The following MNAT1 variants were observed in gnomAD, a reference collection of about 807,000 sequenced individuals.
MNAT1 encodes MNAT1 component of CDK activating kinase.
Under a neutral mutation model 42.0 loss-of-function variants are expected in MNAT1, and 43 were observed. The observed-to-expected ratio is 1.02, with a 90% CI of 0.80 to 1.32. The LOEUF (loss-of-function observed/expected upper bound fraction) is 1.32. Among genes scored for constraint, MNAT1 ranks in the 40% most tolerant of loss-of-function variants. MNAT1 has a pLI of 0.00. For synonymous variants in MNAT1, 118 were observed against 120.0 expected (o/e 0.98, Z 0.11); for missense variants, 306 against 350.4 (o/e 0.87, Z 1.01).
chr14:60,950,344 AT>A (rs2036357593), intron 7 of MNAT1, among the ~76,000 whole-genome samples: 1 of 152,142 alleles, frequency 6.6e-6, no homozygotes, highest in African/African-American at 2.4e-5. Context: ...TCTCAAAGCA[AT>A]TTTCAAATAT....
rs572168121 is a variant in MNAT1, at chr14:60,947,621, T to C, written c.810-20608T>C. Among the ~76,000 whole-genome samples, 7 of 152,294 alleles carry C rather than the reference T, an allele frequency of 4.6e-5. No homozygotes were observed. The South Asian group carries it at 1.5e-3, about 32-fold the overall frequency. On this transcript the variant is annotated intron_variant, in intron 7 of 7. Transcript: ENST00000261245. ...TCGCTTGAACCCGGGAGGCAGAGGT[T>C]GCAGTAAGTCCAGATTGTGCCACTG...
At chr14:60,841,409 CAT>C in intron 6 of MNAT1, among the ~76,000 whole-genome samples, 1 of 151,702 alleles carries the variant, frequency 6.6e-6, no homozygotes, top group South Asian at 2.1e-4. Flanking sequence ...ACATACAACA[CAT>C]AAAGTTGTGT....
chr14:60,869,861 ATG>A (rs910826872), intron 6 of MNAT1, among the ~76,000 whole-genome samples: 10 of 152,150 alleles, frequency 6.6e-5, no homozygotes, highest in African/African-American at 1.4e-4. Context: ...TGCATTCTAA[ATG>A]TGTGTTTCTA....
intron 5 of MNAT1, among the ~76,000 whole-genome samples, chr14:60,812,412 T>C (rs1240194001): frequency 6.6e-6 from 1 of 152,236 alleles, no homozygotes; most frequent in Non-Finnish European, 1.5e-5. Flanking sequence ...AGGACACCTC[T>C]CCATGTGGTT....
chr14:60,801,817 C>T (rs2032210619), intron 3 of MNAT1, among the ~76,000 whole-genome samples: 1 of 152,106 alleles, frequency 6.6e-6, no homozygotes. Flanking sequence ...AGTAATCCCA[C>T]TTCTGGGTCT....
chr14:60,852,014 G>A (rs1323311014), intron 6 of MNAT1, among the ~76,000 whole-genome samples: 2 of 152,090 alleles, frequency 1.3e-5, no homozygotes, highest in East Asian at 1.9e-4. Context: ...ATAAACATAC[G>A]TGTGCATGTG....
intron 7 of MNAT1, among the ~76,000 whole-genome samples, chr14:60,957,195 G>T (rs985664880): frequency 6.6e-6 from 1 of 151,628 alleles, no homozygotes; most frequent in African/African-American, 2.4e-5. Flanking sequence ...TACCATGAGG[G>T]TTACATAAAA....
At chr14:60,796,624 C>CCTACTATGTGTAAACA (rs910179020) in intron 2 of MNAT1, among the ~76,000 whole-genome samples, 3 of 151,972 alleles carry the variant, frequency 2.0e-5, no homozygotes, top group African/African-American at 4.8e-5. Flanking sequence ...GTATTGAGTA[C>CCTACTATGTGTAAACA]CTACTATGTG....
At chr14:60,737,851 CTTT>C (rs774334245) in intron 1 of MNAT1, among the ~76,000 whole-genome samples, 3 of 140,304 alleles carry the variant, frequency 2.1e-5, no homozygotes, top group Non-Finnish European at 3.1e-5. Context: ...AAACCCTATC[CTTT>C]TTTTTTTTTT....
At chr14:60,808,202 C>A in intron 3 of MNAT1, 123 bp from the exon 4 acceptor site, 1 of 569,710 alleles carries the variant, frequency 1.8e-6, no homozygotes, top group Non-Finnish European at 3.0e-6. Context: ...ATTAAAAGGT[C>A]ACAAATAGAG....
At chr14:60,798,191 A>G (rs375850691) in intron 3 of MNAT1, 31 bp downstream of exon 3, 34 of 1,141,824 alleles carry the variant, frequency 3.0e-5, no homozygotes, top group African/African-American at 1.9e-4. Flanking sequence ...ATGCTAGCCT[A>G]TAAGACCATG....
intron 7 of MNAT1, among the ~76,000 whole-genome samples, chr14:60,880,370 G>C (rs1441460481): frequency 5.3e-5 from 8 of 152,162 alleles, no homozygotes; most frequent in Non-Finnish European, 1.0e-4. Context: ...GTGAGGGATG[G>C]AGAGATGGTT....
chr14:60,837,161 G>A (rs980618137), intron 6 of MNAT1, among the ~76,000 whole-genome samples: 4 of 152,176 alleles, frequency 2.6e-5, no homozygotes, highest in African/African-American at 7.2e-5. Context: ...GCTGGGCTCC[G>A]TGGGGGTGGG....
rs2032016454 is a variant in MNAT1, at chr14:60,796,280, TC to T, written c.155del (p.Pro52HisfsTer28). 10 of 1,612,666 alleles carry T rather than the reference TC, an allele frequency of 6.2e-6. No individual in the cohort carries two copies. Among genetic ancestry groups the T allele is most frequent in the African/African-American group, 1.3e-5 (1 of 74,886 alleles). ...GAGNCPECGT[P>X]LRKSNFRVQL... ...CTGGAAACTGCCCTGAGTGTGGTAC[TC>T]CACTCAGAAAGAGCAACTTCAGGGT... On this transcript the variant is annotated frameshift_variant, in exon 2 of 8. Transcript: ENST00000261245. LOFTEE classifies it high-confidence loss of function.
intron 6 of MNAT1, among the ~76,000 whole-genome samples, chr14:60,833,444 T>G (rs1243473577): frequency 6.6e-6 from 1 of 152,238 alleles, no homozygotes; most frequent in East Asian, 1.9e-4. Context: ...ATCATGTGTT[T>G]TTTGTCATTG....
intron 6 of MNAT1, among the ~76,000 whole-genome samples, chr14:60,861,283 A>G (rs2034088648): frequency 2.6e-5 from 4 of 152,194 alleles, no homozygotes; most frequent in Admixed American, 2.6e-4. Flanking sequence ...AAAACGTTCA[A>G]ACTCATGAAC....
chr14:60,946,487 C>G (rs997185727), intron 7 of MNAT1, among the ~76,000 whole-genome samples: 2 of 151,872 alleles, frequency 1.3e-5, no homozygotes, highest in South Asian at 4.2e-4. Context: ...CAAACTGTAT[C>G]TTTCATTTGC....
intron 1 of MNAT1, among the ~76,000 whole-genome samples, chr14:60,788,193 G>T (rs901598841): frequency 6.6e-6 from 1 of 152,120 alleles, no homozygotes; most frequent in Non-Finnish European, 1.5e-5. Flanking sequence ...CAACATTCAT[G>T]TCCTTGCACA....
At position 60,758,481 on chromosome 14, in the gene MNAT1, G is replaced by A. The variant is rs934549310; in HGVS notation, c.89+23530G>A. ...GCCTCCCAAAGTGCTGGGATTACAG[G>A]TGTGAGCCACGTTGCCTGGTCCACT... On this transcript the variant is annotated intron_variant, in intron 1 of 7. Transcript: ENST00000261245. Among the ~76,000 whole-genome samples, 28 of 152,010 alleles carry A rather than the reference G, an allele frequency of 1.8e-4. 1 individual carries two copies. The highest frequency in any genetic ancestry group is 6.8e-3 in the Middle Eastern group (2 of 294).
Sources: allele counts gnomAD v4.1 joint callset (sites outside exome capture counted in the v4.1 genomes callset), GRCh38; gene constraint gnomAD v4.1.1; transcripts MANE v1.5; gene names NCBI Gene and HGNC (gene_info 2026-07-23, HGNC 2026-07-21).